The following EXT1 variants were observed in gnomAD, a reference collection of about 807,000 sequenced individuals.
The protein encoded by EXT1 is exostosin-1.
Under a neutral mutation model 82.5 loss-of-function variants are expected in EXT1, and 20 were observed. That is an observed-to-expected ratio of 0.24 (90% CI 0.17 to 0.35). The LOEUF (loss-of-function observed/expected upper bound fraction) is 0.35, where lower values mean the gene tolerates loss of function less well. Ranked by LOEUF, EXT1 falls within the 10% of genes least tolerant of loss-of-function variation. The probability of loss-of-function intolerance (pLI) is 1.00; values close to 1 mark genes in which losing one functional copy is unlikely to be tolerated. For synonymous variants in EXT1, 348 were observed against 350.8 expected (o/e 0.99, Z 0.09); for missense variants, 757 against 936.5 (o/e 0.81, Z 2.50).
chr8:117,980,660 CT>C (rs1165061631), intron 1 of EXT1, among the ~76,000 whole-genome samples: 3 of 131,032 alleles, frequency 2.3e-5, no homozygotes, highest in Admixed American at 7.4e-5. Context: ...CCCAGATGGT[CT>C]TTTATGAGGG....
rs79578276 is a variant in EXT1 at position 118,080,967 on chromosome 8, G to C, written c.962+29118C>G. Among the ~76,000 whole-genome samples, 558 of 152,252 alleles carry C rather than the reference G, an allele frequency of 3.7e-3. 2 individuals carry two copies. The highest frequency in any genetic ancestry group is 0.013 in the African/African-American group (525 of 41,548). On this transcript the variant is annotated intron_variant, in intron 1 of 10. Coordinates refer to ENST00000378204, the MANE Select transcript of EXT1 (RefSeq NM_000127.3). ...ACCATTAACTCTTTTGGAGGGCTAGGGGGGAGGGTGGAGTCCTAAAATTCA... is the reference window on the plus strand; with the variant it reads ...ACCATTAACTCTTTTGGAGGGCTAGCGGGGAGGGTGGAGTCCTAAAATTCA...
At chr8:118,065,318 G>A (rs568199895) in intron 1 of EXT1, among the ~76,000 whole-genome samples, 3 of 152,232 alleles carry the variant, frequency 2.0e-5, no homozygotes, top group Admixed American at 2.0e-4. Flanking sequence ...TCTAGATGGA[G>A]TCTTTGAAAA....
intron 1 of EXT1, among the ~76,000 whole-genome samples, chr8:118,023,054 A>G (rs1586348648): frequency 6.6e-6 from 1 of 152,226 alleles, no homozygotes; most frequent in African/African-American, 2.4e-5. Context: ...AAACCATACT[A>G]AATTTCAAGG....
intron 1 of EXT1, among the ~76,000 whole-genome samples, chr8:118,082,648 G>A (rs1817352203): frequency 6.6e-6 from 1 of 152,146 alleles, no homozygotes. Context: ...TAAATGTGGG[G>A]TATCAATTTC....
intron 1 of EXT1, among the ~76,000 whole-genome samples, chr8:117,893,047 T>C (rs1227854813): frequency 1.3e-5 from 2 of 152,250 alleles, no homozygotes; most frequent in African/African-American, 4.8e-5. Context: ...TTTCTAAACA[T>C]TCCTGAGAGA....
rs969271411 is a variant in EXT1 at position 117,799,146 on chromosome 8, G to C, written c.*566C>G. ...ACATTTTAGAGATAAAAGTTCAAGT[G>C]GATTTGAAGATTCGAAGTGGAAAAC... On this transcript the variant is annotated 3_prime_UTR_variant, in exon 11 of 11. Coordinates refer to ENST00000378204, the MANE Select transcript of EXT1 (RefSeq NM_000127.3). 6.5e-6 allele frequency: 1 copy of C among 154,794 alleles called. No individual in the cohort carries two copies. Among genetic ancestry groups the C allele is most frequent in the East Asian group, 1.8e-4 (1 of 5,470 alleles). 9.6% of individuals were successfully genotyped at this position (154,794 alleles called of 1,614,324 possible).
intron 1 of EXT1, among the ~76,000 whole-genome samples, chr8:117,984,706 T>C (rs2129774574): frequency 6.6e-6 from 1 of 152,162 alleles, no homozygotes; most frequent in Non-Finnish European, 1.5e-5. Context: ...ATGATCTGAC[T>C]GGACACACCA....
chr8:118,080,833 A>G (rs1250686174), intron 1 of EXT1, among the ~76,000 whole-genome samples: 1 of 152,186 alleles, frequency 6.6e-6, no homozygotes, highest in East Asian at 1.9e-4. Context: ...ACTTCAATGC[A>G]GTGGGAAGTC....
chr8:118,016,349 C>T (rs187437500), intron 1 of EXT1, among the ~76,000 whole-genome samples: 403 of 152,282 alleles, frequency 2.6e-3, no homozygotes, highest in Non-Finnish European at 4.0e-3. Flanking sequence ...GCCAAGATCA[C>T]GCCACCGTAC....
At chr8:117,813,204 C>T (rs1267706779) in intron 7 of EXT1, among the ~76,000 whole-genome samples, 1 of 152,294 alleles carries the variant, frequency 6.6e-6, no homozygotes, top group South Asian at 2.1e-4. Context: ...ATAAATCAGA[C>T]ATGTTCCCTG....
intron 1 of EXT1, among the ~76,000 whole-genome samples, chr8:117,950,313 C>T (rs1162712018): frequency 6.6e-6 from 1 of 152,178 alleles, no homozygotes; most frequent in African/African-American, 2.4e-5. Flanking sequence ...AAGTCAACAA[C>T]ACATCTTTGG....
At chr8:117,986,187 C>CTTT (rs1160370973) in intron 1 of EXT1, among the ~76,000 whole-genome samples, 2 of 63,456 alleles carry the variant, frequency 3.2e-5, no homozygotes, top group African/African-American at 7.6e-5. Flanking sequence ...CTATTCTTTT[C>CTTT]TTTTTTTTTT....
At chr8:117,813,178 CAA>C (rs1334720513) in intron 7 of EXT1, among the ~76,000 whole-genome samples, 2 of 152,114 alleles carry the variant, frequency 1.3e-5, no homozygotes, top group Non-Finnish European at 2.9e-5. Context: ...TCTTGCTTGT[CAA>C]AGAGGGTACA....
intron 1 of EXT1, among the ~76,000 whole-genome samples, chr8:117,909,006 C>G (rs1289829014): frequency 1.3e-5 from 2 of 151,800 alleles, no homozygotes; most frequent in Non-Finnish European, 2.9e-5. Context: ...GTTGTACGCG[C>G]CTGTAATCCC....
At position 118,111,284 on chromosome 8, in the gene EXT1, G is replaced by A. The variant is rs1473310892; in HGVS notation, c.-238C>T. On this transcript the variant is annotated 5_prime_UTR_variant, in exon 1 of 11. Coordinates refer to ENST00000378204, the MANE Select transcript of EXT1 (RefSeq NM_000127.3). ...TGGGTTGCACAATGCACGGGAGAGA[G>A]CGGGGCTGAATATCTCGCACCCAGG... The A allele has an allele frequency of 7.8e-6, 5 of 644,490 alleles. No homozygotes were observed. The highest frequency in any genetic ancestry group is 1.3e-5 in the Non-Finnish European group (5 of 370,426). The allele number at this position is 644,490 out of a possible 1,614,324, so 39.9% of individuals were successfully genotyped here.
chr8:117,984,450 A>C (rs1412021000), intron 1 of EXT1, among the ~76,000 whole-genome samples: 2 of 71,224 alleles, frequency 2.8e-5, no homozygotes, highest in Non-Finnish European at 5.1e-5. Flanking sequence ...AAAACAAAAC[A>C]AAAAAAAAAA....
intron 1 of EXT1, 23 bp downstream of exon 1, chr8:118,110,062 G>C (rs1295416713): frequency 6.2e-7 from 1 of 1,613,118 alleles, no homozygotes; most frequent in South Asian, 1.1e-5. Flanking sequence ...GACTCCCAAA[G>C]ACACGCCAGC....
chr8:117,811,843 T>G (rs1383999045), intron 8 of EXT1, among the ~76,000 whole-genome samples: 1 of 152,200 alleles, frequency 6.6e-6, no homozygotes, highest in East Asian at 1.9e-4. Flanking sequence ...CTCGAACTCC[T>G]GACCTTGTGG....
chr8:117,993,010 A>G (rs543247105), intron 1 of EXT1, among the ~76,000 whole-genome samples: 3 of 152,376 alleles, frequency 2.0e-5, no homozygotes, highest in East Asian at 3.9e-4. Context: ...CCAGAGGGAC[A>G]TATGAGTTCA....
Sources: allele counts gnomAD v4.1 joint callset (sites outside exome capture counted in the v4.1 genomes callset), GRCh38; gene constraint gnomAD v4.1.1; transcripts MANE v1.5; gene names NCBI Gene and HGNC (gene_info 2026-07-23, HGNC 2026-07-21).